The following R3HDML variants were observed in gnomAD, a reference collection of about 807,000 sequenced individuals.
R3HDML encodes R3H domain containing like, also known as peptidase inhibitor R3HDML.
In R3HDML, 21 loss-of-function variants were observed where a neutral mutation model predicts 24.2. The ratio of observed to expected loss-of-function variants is 0.87; its 90% CI spans 0.62 to 1.25. The LOEUF is 1.25. Ranked by LOEUF, R3HDML falls within the 50% of genes most tolerant of loss-of-function variation. R3HDML has a pLI of 0.00. For missense variants in R3HDML, 301 were observed against 340.3 expected (o/e 0.88, Z 0.91); for synonymous variants, 133 against 131.5 (o/e 1.01, Z -0.08).
At chr20:44,341,130 C>A in intron 1 of R3HDML, 66 bp from the exon 2 acceptor site, 1 of 1,349,058 alleles carries the variant, frequency 7.4e-7, no homozygotes, top group South Asian at 1.3e-5. Flanking sequence ...AAATGTGCAT[C>A]TCTGGACACA....
intron 1 of R3HDML, among the ~76,000 whole-genome samples, chr20:44,338,637 G>A (rs1019788673): frequency 1.3e-5 from 2 of 152,148 alleles, no homozygotes; most frequent in South Asian, 4.1e-4. Flanking sequence ...GATTGCAGGC[G>A]GCATGGAGCA....
At chr20:44,339,012 G>A (rs1237450484) in intron 1 of R3HDML, among the ~76,000 whole-genome samples, 5 of 150,222 alleles carry the variant, frequency 3.3e-5, no homozygotes, top group African/African-American at 1.2e-4. Flanking sequence ...GGCCGAGGTT[G>A]CAGTGAGCCG....
intron 4 of R3HDML, among the ~76,000 whole-genome samples, chr20:44,346,884 G>C (rs1267973387): frequency 6.6e-6 from 1 of 152,210 alleles, no homozygotes; most frequent in Admixed American, 6.5e-5. Flanking sequence ...TCTTACACCT[G>C]CAATCCCAGC....
chr20:44,350,086 A>T (rs1484643295), intron 4 of R3HDML, among the ~76,000 whole-genome samples: 1 of 152,056 alleles, frequency 6.6e-6, no homozygotes, highest in Admixed American at 6.6e-5. Context: ...AAACAAACAA[A>T]AAGAATAAGA....
At chr20:44,338,342 A>C (rs1216176746) in intron 1 of R3HDML, among the ~76,000 whole-genome samples, 1 of 152,214 alleles carries the variant, frequency 6.6e-6, no homozygotes, top group Non-Finnish European at 1.5e-5. Flanking sequence ...TGGTAACAGA[A>C]TAGACAAGGC....
Position 44,345,093 on chromosome 20 carries a change from T to C in R3HDML, c.514-170T>C, listed in dbSNP as rs115251001. On this transcript the variant is annotated intron_variant, in intron 3 of 4. Coordinates refer to ENST00000217043, the MANE Select transcript of R3HDML (RefSeq NM_178491.4). ...GTTGGTTGTAATAAAAAGAAAACAT[T>C]GAGAAACATCATGTTACAATATAAA... Among the ~76,000 whole-genome samples the C allele has an allele frequency of 6.8e-3, 1,037 of 152,306 alleles. 12 individuals carry two copies. Among genetic ancestry groups the C allele is most frequent in the African/African-American group, 0.024 (993 of 41,556 alleles).
In R3HDML at chr20:44,337,513, C is replaced by A; in HGVS notation, c.261+95C>A. ...GCCTAGAATGACTGGCTTTGAAGAG[C>A]TGGACCACTTGCCTGCCTGGCCCCA... is the stretch of plus-strand genomic sequence containing the variant. On this transcript the variant is annotated intron_variant, in intron 1 of 4. Transcript: ENST00000217043. The surrounding 1 kb of genome is among the most constrained non-coding windows in gnomAD (Gnocchi z 4.7). The A allele has an allele frequency of 7.2e-7, 1 of 1,391,442 alleles. No individual in the cohort carries two copies. The highest frequency in any genetic ancestry group is 9.9e-7 in the Non-Finnish European group (1 of 1,010,350). The allele number at this position is 1,391,442 out of a possible 1,614,324, so 86.2% of individuals were successfully genotyped here. A position where few individuals can be genotyped will look rare whatever the true frequency, so the allele number is the denominator to read the frequency against.
At chr20:44,345,162 C>G in intron 3 of R3HDML, 101 bp from the exon 4 acceptor site, 1 of 869,764 alleles carries the variant, frequency 1.1e-6, no homozygotes, top group Non-Finnish European at 2.0e-6. Context: ...GGCAGACTGT[C>G]TCTCCCAGGA....
intron 1 of R3HDML, 126 bp from the exon 2 acceptor site, chr20:44,341,070 G>C (rs937644958): frequency 1.4e-6 from 1 of 725,506 alleles, no homozygotes; most frequent in Non-Finnish European, 2.3e-6. Context: ...ACTTTGTCAC[G>C]TGGGTTTGTT....
In R3HDML at chr20:44,337,357, T is replaced by G. The variant is rs368016316; in HGVS notation, c.200T>G (p.Leu67Arg). 1 of 1,614,198 alleles carries G rather than the reference T, an allele frequency of 6.2e-7. No individual in the cohort carries two copies. Among genetic ancestry groups the G allele is most frequent in the African/African-American group, 1.3e-5 (1 of 75,054 alleles). Reference sequence around the variant, plus strand: ...TCTGTGAGAGACATGAATGCCTTACTGGATTATCACAACCACATCCGGGCC... The same window carrying G: ...TCTGTGAGAGACATGAATGCCTTACGGGATTATCACAACCACATCCGGGCC... ...HISVRDMNAL[L>R]DYHNHIRASV... Residue 67 changes from leucine to arginine, a missense_variant, in exon 1 of 5, where the codon CTG (leucine) becomes CGG (arginine). Physicochemically the swap from Leu to Arg is moderately radical, Grantham distance 102. Coordinates refer to ENST00000217043, the MANE Select transcript of R3HDML (RefSeq NM_178491.4). The surrounding 1 kb of genome is among the most constrained non-coding windows in gnomAD (Gnocchi z 4.7).
Position 44,337,241 on chromosome 20 carries a change from T to C in R3HDML, c.84T>C (p.Asn28=). ...CAGTGAACGCCTTGATAATGCCTAA[T>C]GCTACCCCAGCCCCGGCCCAGCCCG... ...GQAVNALIMP[N]ATPAPAQPES... is the part of the protein sequence containing the mutation. The change falls in exon 1 of 5, where the codon AAT becomes AAC. Residue 28 remains asparagine (N), a synonymous_variant. Coordinates refer to ENST00000217043, the MANE Select transcript of R3HDML (RefSeq NM_178491.4). This position sits in a 1 kb window ranked among gnomAD's most constrained non-coding sequence, Gnocchi z 4.7. 1 of 1,614,024 alleles carries C rather than the reference T, an allele frequency of 6.2e-7. No individual in the cohort carries two copies. The highest frequency in any genetic ancestry group is 8.5e-7 in the Non-Finnish European group (1 of 1,180,022).
chr20:44,346,189 CAGCTCACTA>C (rs1323429761), intron 4 of R3HDML, among the ~76,000 whole-genome samples: 2 of 152,034 alleles, frequency 1.3e-5, no homozygotes, highest in Non-Finnish European at 2.9e-5. Flanking sequence ...GGCACAATCA[CAGCTCACTA>C]CAGCCTCGAC....
At chr20:44,347,272 G>A (rs1458496532) in intron 4 of R3HDML, among the ~76,000 whole-genome samples, 1 of 151,188 alleles carries the variant, frequency 6.6e-6, no homozygotes, top group African/African-American at 2.4e-5. Context: ...AGGCTGGAGT[G>A]CAATAGCCAG....
intron 1 of R3HDML, among the ~76,000 whole-genome samples, chr20:44,338,926 G>T (rs371716783): frequency 6.6e-6 from 1 of 152,050 alleles, no homozygotes; most frequent in African/African-American, 2.4e-5. Flanking sequence ...ACAAAAATTA[G>T]CTGGGTGTGG....
At chr20:44,346,016 C>T (rs927405095) in intron 4 of R3HDML, among the ~76,000 whole-genome samples, 3 of 152,094 alleles carry the variant, frequency 2.0e-5, no homozygotes, top group East Asian at 1.9e-4. Flanking sequence ...GACAAGGTTT[C>T]GCCATGTTGG....
At chr20:44,342,572 T>C (rs1486760733) in intron 2 of R3HDML, among the ~76,000 whole-genome samples, 1 of 152,226 alleles carries the variant, frequency 6.6e-6, no homozygotes, top group East Asian at 1.9e-4. Context: ...AAATTATGAA[T>C]GTGCATTCTT....
At chr20:44,343,543 T>C in intron 3 of R3HDML, 34 bp downstream of exon 3, 1 of 1,554,562 alleles carries the variant, frequency 6.4e-7, no homozygotes, top group South Asian at 1.2e-5. Flanking sequence ...GCCCCTGGGA[T>C]AACACATCCT....
At chr20:44,350,107 T>C (rs1259138548) in intron 4 of R3HDML, among the ~76,000 whole-genome samples, 1 of 151,852 alleles carries the variant, frequency 6.6e-6, no homozygotes, top group Non-Finnish European at 1.5e-5. Context: ...AAATCAACCC[T>C]TACAAGGGAG....
intron 4 of R3HDML, among the ~76,000 whole-genome samples, chr20:44,346,832 T>C (rs1226776097): frequency 6.6e-6 from 1 of 152,126 alleles, no homozygotes; most frequent in Non-Finnish European, 1.5e-5. Context: ...TTGCAGACGT[T>C]CCAGATTCTC....
Sources: gnomAD v4.1 joint callset for allele counts (sites outside exome capture counted in the v4.1 genomes callset) on GRCh38, gnomAD v4.1.1 for gene constraint, Gnocchi (gnomAD v3.1) non-coding constraint, MANE v1.5 for transcripts, NCBI Gene and HGNC (gene_info 2026-07-23, HGNC 2026-07-21) for gene names.